The following AOPEP variants were observed in gnomAD, a reference collection of about 807,000 sequenced individuals.
AOPEP encodes the protein aminopeptidase O (putative), also known as aminopeptidase O.
AOPEP carries 77 observed loss-of-function variants against 98.1 expected under a neutral mutation model. That is an observed-to-expected ratio of 0.78 (90% CI 0.65 to 0.95). The LOEUF (loss-of-function observed/expected upper bound fraction) is 0.95, where lower values mean the gene tolerates loss of function less well. Ranked by LOEUF, AOPEP falls within the 40% of genes least tolerant of loss-of-function variation. The pLI is 0.00. For missense variants in AOPEP, 1,024 were observed against 1,024.7 expected (o/e 1.00, Z 0.01); for synonymous variants, 346 against 365.3 (o/e 0.95, Z 0.60).
At chr9:95,142,058 T>C in the AOPEP span, among the ~76,000 whole-genome samples, 1 of 130,504 alleles carries the variant, frequency 7.7e-6, no homozygotes, top group Non-Finnish European at 1.6e-5. Context: ...AATGGCACGA[T>C]CTCGGCTCAC....
chr9:94,960,319 G>A (rs142677764), intron 9 of AOPEP, among the ~76,000 whole-genome samples: 4,314 of 151,894 alleles, frequency 0.028, 222 homozygotes, highest in African/African-American at 0.099. Context: ...GCTGAGGCAG[G>A]AGAATAGCTT....
rs540112365 is a variant in AOPEP at position 94,804,544 on chromosome 9, T to A, written c.1364+3542T>A. Among the ~76,000 whole-genome samples the A allele has an allele frequency of 1.8e-3, 276 of 152,322 alleles. 1 individual carries two copies. The highest frequency in any genetic ancestry group is 6.5e-3 in the African/African-American group (272 of 41,566). On this transcript the variant is annotated intron_variant, in intron 5 of 16. Transcript: ENST00000375315. ...GGAAAATTGAGGGGAAAAAAATGAC[T>A]ATAGTGTGGCCGATGACAGGTGACA...
At chr9:95,020,918 C>A (rs1299918094) in intron 13 of AOPEP, among the ~76,000 whole-genome samples, 325 of 73,280 alleles carry the variant, frequency 4.4e-3, no homozygotes, top group Middle Eastern at 0.01. Context: ...GACCTTGTCT[C>A]AAAAAAAAAA....
chr9:95,020,888 C>T (rs544976486), intron 13 of AOPEP, among the ~76,000 whole-genome samples: 10 of 118,254 alleles, frequency 8.5e-5, no homozygotes, highest in African/African-American at 2.9e-4. Flanking sequence ...CACTGTACTC[C>T]AGCCTGGGCA....
rs116681692 is a variant in AOPEP at position 94,935,674 on chromosome 9, C to T, written c.1661+7143C>T. On this transcript the variant is annotated intron_variant, in intron 7 of 16. Transcript: ENST00000375315. Reference sequence around the variant, plus strand: ...CCAGGGCCACCCTCTGACGAAGAGTCGCAGAGAGCATGCCAAGGGCTGGTG... The same window carrying T: ...CCAGGGCCACCCTCTGACGAAGAGTTGCAGAGAGCATGCCAAGGGCTGGTG... Among the ~76,000 whole-genome samples, 314 of 152,278 alleles carry T rather than the reference C, an allele frequency of 2.1e-3. 4 individuals carry two copies. Among genetic ancestry groups the T allele is most frequent in the African/African-American group, 7.2e-3 (299 of 41,558 alleles).
intron 5 of AOPEP, among the ~76,000 whole-genome samples, chr9:94,869,344 G>T (rs981979955): frequency 6.6e-6 from 1 of 152,252 alleles, no homozygotes; most frequent in African/African-American, 2.4e-5. Flanking sequence ...TGTGTCTGAA[G>T]TTCCAAGTTT....
intron 5 of AOPEP, among the ~76,000 whole-genome samples, chr9:94,839,856 C>T (rs1398578429): frequency 6.6e-6 from 1 of 152,050 alleles, no homozygotes; most frequent in East Asian, 1.9e-4. Flanking sequence ...ACAGTGTCAA[C>T]CTCCTGGGCC....
At chr9:94,923,046 A>T (rs2053843224) in intron 5 of AOPEP, among the ~76,000 whole-genome samples, 2 of 152,202 alleles carry the variant, frequency 1.3e-5, no homozygotes, top group Admixed American at 1.3e-4. Flanking sequence ...AGGTTTCACA[A>T]CTGTTTTTGT....
At chr9:94,885,084 C>G (rs555833034) in intron 5 of AOPEP, among the ~76,000 whole-genome samples, 2 of 151,228 alleles carry the variant, frequency 1.3e-5, no homozygotes, top group African/African-American at 4.9e-5. Context: ...TGCAGTGGCT[C>G]ACGCCTGTAA....
intron 5 of AOPEP, among the ~76,000 whole-genome samples, chr9:94,875,789 C>T (rs1279346327): frequency 6.6e-6 from 1 of 152,214 alleles, no homozygotes; most frequent in Non-Finnish European, 1.5e-5. Flanking sequence ...AAATTCTGAG[C>T]ATGGGCACCA....
intron 13 of AOPEP, among the ~76,000 whole-genome samples, chr9:95,011,003 G>A (rs1406129715): frequency 6.6e-6 from 1 of 152,040 alleles, no homozygotes; most frequent in Non-Finnish European, 1.5e-5. Flanking sequence ...ATGTATTAAA[G>A]TTTCTGTACC....
intron 5 of AOPEP, among the ~76,000 whole-genome samples, chr9:94,867,772 C>T (rs973589465): frequency 3.3e-5 from 5 of 152,208 alleles, no homozygotes; most frequent in African/African-American, 1.2e-4. Context: ...AGGATCTGTT[C>T]TGATTCGGAA....
chr9:94,814,399 T>A (rs914634686), intron 5 of AOPEP, among the ~76,000 whole-genome samples: 1 of 152,188 alleles, frequency 6.6e-6, no homozygotes, highest in Non-Finnish European at 1.5e-5. Context: ...GTTTTAGAAA[T>A]CTGGGCCTTG....
chr9:94,756,977 A>G (rs1351873928), intron 1 of AOPEP, among the ~76,000 whole-genome samples: 1 of 152,198 alleles, frequency 6.6e-6, no homozygotes, highest in African/African-American at 2.4e-5. Context: ...AGCCTTCATC[A>G]GTAGCGATAT....
chr9:95,106,668 T>G, the AOPEP span, among the ~76,000 whole-genome samples: 1 of 152,220 alleles, frequency 6.6e-6, no homozygotes, highest in African/African-American at 2.4e-5. Context: ...TTCTTTGCAC[T>G]GTTGCAGTGA....
At chr9:94,989,344 CG>C (rs2060729757) in intron 11 of AOPEP, among the ~76,000 whole-genome samples, 1 of 151,906 alleles carries the variant, frequency 6.6e-6, no homozygotes, top group Non-Finnish European at 1.5e-5. Context: ...CCTCGAGATC[CG>C]CCCACCTTGG....
At chr9:94,901,832 T>G (rs1387773512) in intron 5 of AOPEP, among the ~76,000 whole-genome samples, 1 of 151,938 alleles carries the variant, frequency 6.6e-6, no homozygotes, top group Non-Finnish European at 1.5e-5. Flanking sequence ...TCTTAGCTAC[T>G]TGGGAGACTG....
the AOPEP span, among the ~76,000 whole-genome samples, chr9:95,146,349 A>T: frequency 6.6e-6 from 1 of 151,862 alleles, no homozygotes; most frequent in Non-Finnish European, 1.5e-5. Flanking sequence ...TTAGCCAGGC[A>T]TGGTAGCACA....
At chr9:94,978,133 C>G (rs72750350) in intron 10 of AOPEP, among the ~76,000 whole-genome samples, 19,994 of 152,150 alleles carry the variant, frequency 0.13, 3,397 homozygotes, top group African/African-American at 0.4. Context: ...CACAGGGTCG[C>G]AGAGGGGTGC....
Sources: gnomAD v4.1 joint callset for allele counts (sites outside exome capture counted in the v4.1 genomes callset) on GRCh38, gnomAD v4.1.1 for gene constraint, MANE v1.5 for transcripts, NCBI Gene and HGNC (gene_info 2026-07-23, HGNC 2026-07-21) for gene names.